GRIK2: variants seen among roughly 807,000 people sequenced by gnomAD.
GRIK2 encodes glutamate ionotropic receptor kainate type subunit 2, also known as glutamate receptor ionotropic, kainate 2.
GRIK2 carries 32 observed loss-of-function variants against 100.3 expected under a neutral mutation model. The observed-to-expected ratio is 0.32, with a 90% confidence interval of 0.24 to 0.43. The LOEUF is 0.43. Ranked by LOEUF, GRIK2 falls within the 20% of genes least tolerant of loss-of-function variation. GRIK2 has a pLI of 1.00. For synonymous variants in GRIK2, 417 were observed against 389.4 expected (o/e 1.07, Z -0.83); for missense variants, 843 against 1,114.9 (o/e 0.76, Z 3.47).
chr6:101,666,289 T>C (rs545784898), intron 4 of GRIK2, among the ~76,000 whole-genome samples: 1 of 152,316 alleles, frequency 6.6e-6, no homozygotes, highest in Non-Finnish European at 1.5e-5. Flanking sequence ...AGTGGATTTG[T>C]GGACAGTGCT....
At chr6:101,778,081 C>G (rs535365347) in intron 7 of GRIK2, among the ~76,000 whole-genome samples, 24 of 152,088 alleles carry the variant, frequency 1.6e-4, no homozygotes, top group Non-Finnish European at 3.4e-4. Flanking sequence ...TTACTACAGG[C>G]AAGGCAGTGT....
intron 11 of GRIK2, 141 bp downstream of exon 11, chr6:101,859,634 T>C (rs1185940566): frequency 8.0e-6 from 5 of 621,842 alleles, no homozygotes; most frequent in Admixed American, 5.4e-5. Flanking sequence ...TTAAGCTAGA[T>C]AGTATTTGTC....
At chr6:101,671,392 CA>C (rs35786583) in intron 4 of GRIK2, among the ~76,000 whole-genome samples, 95,745 of 150,206 alleles carry the variant, frequency 0.64, 31,775 homozygotes, top group Non-Finnish European at 0.75. Flanking sequence ...TGTTCCAAAA[CA>C]AAAAAAAAAG....
intron 12 of GRIK2, among the ~76,000 whole-genome samples, chr6:101,893,706 A>T (rs1459233634): frequency 6.6e-6 from 1 of 151,748 alleles, no homozygotes; most frequent in Non-Finnish European, 1.5e-5. Context: ...ATTAGATCCC[A>T]TAAAATATTA....
chr6:101,976,384 G>GA (rs1342808467), intron 14 of GRIK2, among the ~76,000 whole-genome samples: 1 of 151,788 alleles, frequency 6.6e-6, no homozygotes, highest in African/African-American at 2.4e-5. Context: ...TAGGTTACTG[G>GA]AAAAAAAGGG....
At chr6:101,838,340 C>T (rs1289590817) in intron 10 of GRIK2, among the ~76,000 whole-genome samples, 1 of 152,132 alleles carries the variant, frequency 6.6e-6, no homozygotes, top group Non-Finnish European at 1.5e-5. Flanking sequence ...ATAGAGGCCA[C>T]AGCCATTAAT....
At chr6:101,820,767 A>C (rs1040109333) in intron 10 of GRIK2, among the ~76,000 whole-genome samples, 25 of 152,148 alleles carry the variant, frequency 1.6e-4, no homozygotes, top group African/African-American at 6.0e-4. Flanking sequence ...TATGTTCTGC[A>C]GTAAAAATCC....
intron 2 of GRIK2, among the ~76,000 whole-genome samples, chr6:101,554,656 G>A (rs751071569): frequency 1.3e-5 from 2 of 151,912 alleles, no homozygotes; most frequent in Non-Finnish European, 2.9e-5. Flanking sequence ...TCTGTTAATG[G>A]GACTTTATGA....
intron 14 of GRIK2, among the ~76,000 whole-genome samples, chr6:101,972,948 G>C (rs967215214): frequency 2.0e-5 from 3 of 151,860 alleles, no homozygotes; most frequent in African/African-American, 4.8e-5. Context: ...GATTATTGCA[G>C]CCTTATAGTT....
At chr6:101,970,281 C>A (rs912662054) in intron 14 of GRIK2, among the ~76,000 whole-genome samples, 1 of 151,532 alleles carries the variant, frequency 6.6e-6, no homozygotes, top group Non-Finnish European at 1.5e-5. Flanking sequence ...TAATTTAGGG[C>A]AAGCAAGCCC....
chr6:101,926,884 A>G (rs753093879), intron 13 of GRIK2, among the ~76,000 whole-genome samples: 4 of 152,180 alleles, frequency 2.6e-5, no homozygotes, highest in Admixed American at 6.5e-5. Context: ...AAATGTCTCC[A>G]CTATTCTTTT....
chr6:102,019,581 A>T (rs1197715196), intron 14 of GRIK2, among the ~76,000 whole-genome samples: 3 of 151,992 alleles, frequency 2.0e-5, no homozygotes, highest in African/African-American at 7.2e-5. Context: ...CAGCTTTCCT[A>T]ACTGTATGAG....
At chr6:101,551,392 A>T (rs1292997275) in intron 2 of GRIK2, among the ~76,000 whole-genome samples, 1 of 152,156 alleles carries the variant, frequency 6.6e-6, no homozygotes, top group Non-Finnish European at 1.5e-5. Context: ...ATAATTTATT[A>T]TACTATTCAT....
At chr6:101,971,698 T>G (rs1793062772) in intron 14 of GRIK2, among the ~76,000 whole-genome samples, 1 of 151,976 alleles carries the variant, frequency 6.6e-6, no homozygotes, top group Non-Finnish European at 1.5e-5. Context: ...GTCACCCAGG[T>G]ATTGAGAATA....
At chr6:101,691,422 C>T (rs538168614) in intron 7 of GRIK2, among the ~76,000 whole-genome samples, 7 of 151,850 alleles carry the variant, frequency 4.6e-5, no homozygotes, top group Admixed American at 2.0e-4. Flanking sequence ...CCTCAGCCTC[C>T]GAGTAGCTGG....
chr6:101,422,900 G>T (rs1054997238), intron 2 of GRIK2, among the ~76,000 whole-genome samples: 1 of 151,988 alleles, frequency 6.6e-6, no homozygotes, highest in African/African-American at 2.4e-5. Context: ...ATTTTCCTTG[G>T]TTTACAGTGC....
At chr6:102,064,317 CTCCT>C (rs1322967900) in intron 16 of GRIK2, among the ~76,000 whole-genome samples, 1 of 147,866 alleles carries the variant, frequency 6.8e-6, no homozygotes, top group African/African-American at 2.5e-5. Context: ...CCTTCTCCTC[CTCCT>C]TCCTTTCCTT....
intron 14 of GRIK2, among the ~76,000 whole-genome samples, chr6:102,005,478 A>G (rs966281759): frequency 1.3e-4 from 20 of 152,182 alleles, no homozygotes; most frequent in Non-Finnish European, 2.5e-4. Context: ...TTGGCCAAGA[A>G]GAACAATTGA....
At chr6:101,641,488 C>CT (rs1031302789) in intron 4 of GRIK2, among the ~76,000 whole-genome samples, 4 of 151,960 alleles carry the variant, frequency 2.6e-5, no homozygotes, top group Non-Finnish European at 5.9e-5. Flanking sequence ...GGTCAGAGAG[C>CT]TGTCTTGCTG....
Sources: gnomAD v4.1 joint callset for allele counts (sites outside exome capture counted in the v4.1 genomes callset) on GRCh38, gnomAD v4.1.1 for gene constraint, MANE v1.5 for transcripts, NCBI Gene and HGNC (gene_info 2026-07-23, HGNC 2026-07-21) for gene names.